Variants in DPP6 observed in about 807,000 individuals in gnomAD.
DPP6 encodes dipeptidyl peptidase like 6, also known as A-type potassium channel modulatory protein DPP6.
DPP6 carries 69 observed loss-of-function variants against 122.6 expected under a neutral mutation model. The ratio of observed to expected loss-of-function variants is 0.56; its 90% CI spans 0.46 to 0.69. DPP6 has a LOEUF of 0.69. Among genes scored for constraint, DPP6 ranks in the 30% least tolerant of loss-of-function variants. The pLI, the probability that DPP6 is intolerant of heterozygous loss-of-function variation, is 0.00. For synonymous variants in DPP6, 418 were observed against 433.1 expected (o/e 0.97, Z 0.43); for missense variants, 928 against 1,116.9 (o/e 0.83, Z 2.41).
At chr7:153,947,785 G>A (rs1802017578) in intron 1 of DPP6, among the ~76,000 whole-genome samples, 1 of 152,196 alleles carries the variant, frequency 6.6e-6, no homozygotes, top group African/African-American at 2.4e-5. Context: ...TTGGAGATGG[G>A]GATGCTGTCT....
chr7:153,989,723 G>A (rs1797058388), intron 1 of DPP6, among the ~76,000 whole-genome samples: 1 of 152,032 alleles, frequency 6.6e-6, no homozygotes, highest in African/African-American at 2.4e-5. Flanking sequence ...TGGTGCAGAG[G>A]TAGGAGGATG....
intron 1 of DPP6, among the ~76,000 whole-genome samples, chr7:154,412,595 T>C (rs1255829521): frequency 6.6e-6 from 1 of 152,234 alleles, no homozygotes; most frequent in Non-Finnish European, 1.5e-5. Context: ...ATTCTGTCCA[T>C]AACTGTAGGT....
chr7:154,411,089 C>T (rs561149675), intron 1 of DPP6, among the ~76,000 whole-genome samples: 2 of 152,242 alleles, frequency 1.3e-5, no homozygotes, highest in East Asian at 3.9e-4. Flanking sequence ...TCCGTCTCCA[C>T]CTTTGCTTAA....
chr7:154,610,328 A>C (rs997647759), intron 5 of DPP6, among the ~76,000 whole-genome samples: 2 of 152,170 alleles, frequency 1.3e-5, no homozygotes, highest in Admixed American at 6.5e-5. Flanking sequence ...AGGGTGCAGA[A>C]ATCTAGGTAA....
intron 1 of DPP6, among the ~76,000 whole-genome samples, chr7:154,204,653 C>T (rs1166663117): frequency 2.6e-5 from 4 of 152,086 alleles, no homozygotes; most frequent in African/African-American, 4.8e-5. Context: ...GACACCCTTG[C>T]GGCAGGTCCT....
intron 10 of DPP6, among the ~76,000 whole-genome samples, chr7:154,782,316 A>T (rs973783747): frequency 6.6e-5 from 10 of 152,198 alleles, no homozygotes; most frequent in African/African-American, 1.9e-4. Flanking sequence ...TGGAATTTTG[A>T]TTATTAAAAT....
At chr7:154,797,070 A>G (rs898482309) in intron 12 of DPP6, among the ~76,000 whole-genome samples, 7 of 152,270 alleles carry the variant, frequency 4.6e-5, no homozygotes, top group Non-Finnish European at 1.0e-4. Flanking sequence ...GCATATAAGC[A>G]TACATATCAA....
At chr7:153,940,669 T>A (rs1801655423) in intron 1 of DPP6, among the ~76,000 whole-genome samples, 1 of 152,036 alleles carries the variant, frequency 6.6e-6, no homozygotes, top group South Asian at 2.1e-4. Flanking sequence ...ATGATTCATG[T>A]TGACATGTGT....
In DPP6 at chr7:153,909,269, C is replaced by A. The variant is rs181618760; in HGVS notation, c.51+21535C>A. On this transcript the variant is annotated intron_variant, in intron 1 of 25. Transcript: ENST00000404039. ...CTCTAACAGCTTGTGCGGAAAATTA[C>A]CCCCAGGTTAGCACCAGTGAGGCAC... Among the ~76,000 whole-genome samples the A allele has an allele frequency of 3.1e-3, 471 of 152,152 alleles. 2 individuals carry two copies. Among genetic ancestry groups the A allele is most frequent in the African/African-American group, 9.9e-3 (409 of 41,522 alleles).
At chr7:154,201,345 T>A (rs1191117898) in intron 1 of DPP6, among the ~76,000 whole-genome samples, 1 of 152,168 alleles carries the variant, frequency 6.6e-6, no homozygotes, top group African/African-American at 2.4e-5. Flanking sequence ...GCCAAGCTAG[T>A]CTTGAACTCC....
intron 5 of DPP6, among the ~76,000 whole-genome samples, chr7:154,572,541 G>A (rs1186056183): frequency 2.9e-5 from 3 of 104,272 alleles, no homozygotes; most frequent in African/African-American, 1.2e-4. Context: ...TTTTTTGGTG[G>A]TGTCTCACTC....
intron 1 of DPP6, among the ~76,000 whole-genome samples, chr7:154,019,453 C>T (rs1798595101): frequency 6.6e-6 from 1 of 151,516 alleles, no homozygotes; most frequent in Admixed American, 6.6e-5. Flanking sequence ...TTCCTTCCCT[C>T]CTTCCCTCCC....
chr7:154,500,496 G>C (rs1048533668), intron 3 of DPP6, among the ~76,000 whole-genome samples: 1 of 152,158 alleles, frequency 6.6e-6, no homozygotes, highest in Non-Finnish European at 1.5e-5. Context: ...CTGGTGGGAG[G>C]TGACTGAATT....
chr7:154,354,699 C>T (rs921557878), intron 1 of DPP6, among the ~76,000 whole-genome samples: 5 of 152,168 alleles, frequency 3.3e-5, no homozygotes, highest in African/African-American at 7.2e-5. Flanking sequence ...GTCTGAAAGT[C>T]GCCTCACATG....
rs1362463061 is a variant in DPP6 at position 154,062,811 on chromosome 7, G to A, written c.243+9748G>A. 5.7e-3 allele frequency among the ~76,000 whole-genome samples: 612 copies of A among 106,922 alleles called. 29 individuals carry two copies. Among genetic ancestry groups the A allele is most frequent in the Middle Eastern group, 0.011 (2 of 182 alleles). The allele number at this position is 106,922 out of a possible 152,430, so 70.1% of individuals were successfully genotyped here. On this transcript the variant is annotated intron_variant, in intron 1 of 25. Coordinates refer to ENST00000377770, the MANE Select transcript of DPP6 (RefSeq NM_130797.4). ...TGGCTCTTAGGACCCCCATCGCAGA[G>A]GGGGGAGGCACCCCCCGCGAGGCGG...
intron 7 of DPP6, among the ~76,000 whole-genome samples, chr7:154,725,828 A>C (rs1454953771): frequency 6.6e-6 from 1 of 152,230 alleles, no homozygotes; most frequent in Non-Finnish European, 1.5e-5. Flanking sequence ...AGCCTGTAAA[A>C]TCAAAAGCAA....
chr7:154,629,927 G>GAGT (rs1214860904), intron 5 of DPP6, among the ~76,000 whole-genome samples: 1 of 152,194 alleles, frequency 6.6e-6, no homozygotes, highest in Non-Finnish European at 1.5e-5. Flanking sequence ...GAGCCCCAGA[G>GAGT]AGTAGAAAAG....
chr7:153,996,054 T>G (rs957973831), intron 1 of DPP6, among the ~76,000 whole-genome samples: 3 of 152,190 alleles, frequency 2.0e-5, no homozygotes, highest in Admixed American at 6.5e-5. Context: ...ATTCATTTCC[T>G]GTCACCCAGT....
chr7:154,276,804 GT>G (rs1804169549), intron 1 of DPP6, among the ~76,000 whole-genome samples: 1 of 152,190 alleles, frequency 6.6e-6, no homozygotes, highest in Non-Finnish European at 1.5e-5. Context: ...CCACACATAA[GT>G]TTCTTAAGTG....
Sources: allele counts gnomAD v4.1 joint callset (sites outside exome capture counted in the v4.1 genomes callset), GRCh38; gene constraint gnomAD v4.1.1; transcripts MANE v1.5; gene names NCBI Gene and HGNC (gene_info 2026-07-23, HGNC 2026-07-21).